RAB27B: variants seen among roughly 807,000 people sequenced by gnomAD.
The protein encoded by RAB27B is RAB27B, member RAS oncogene family.
Under a neutral mutation model 24.6 loss-of-function variants are expected in RAB27B, and 15 were observed. The observed-to-expected ratio is 0.61, with a 90% CI of 0.41 to 0.94. The LOEUF (loss-of-function observed/expected upper bound fraction) is 0.94. Ranked by LOEUF, RAB27B falls within the 40% of genes least tolerant of loss-of-function variation. RAB27B has a pLI of 0.00. For synonymous variants in RAB27B, 105 were observed against 92.5 expected, an observed-to-expected ratio of 1.14 and a Z score of -0.78; for missense variants, 261 against 266.8, an observed-to-expected ratio of 0.98 and a Z score of 0.15.
chr18:54,805,823 T>A (rs992558926), intron 2 of RAB27B, among the ~76,000 whole-genome samples: 1 of 152,220 alleles, frequency 6.6e-6, no homozygotes, highest in Non-Finnish European at 1.5e-5. Context: ...TTGGATCTTA[T>A]ATAGAGTAAT....
chr18:54,743,782 G>A (rs939269426), intron 2 of RAB27B, among the ~76,000 whole-genome samples: 4 of 152,162 alleles, frequency 2.6e-5, no homozygotes, highest in Non-Finnish European at 4.4e-5. Context: ...ATAGAACTGT[G>A]GCCTTTATGC....
At chr18:54,849,066 T>C (rs1280697393) in intron 1 of RAB27B, among the ~76,000 whole-genome samples, 1 of 152,176 alleles carries the variant, frequency 6.6e-6, no homozygotes, top group Non-Finnish European at 1.5e-5. Flanking sequence ...CTGAGCTGAT[T>C]TTTCAAAGCA....
chr18:54,874,056 C>T (rs1484243284), intron 1 of RAB27B, among the ~76,000 whole-genome samples: 1 of 152,120 alleles, frequency 6.6e-6, no homozygotes, highest in Non-Finnish European at 1.5e-5. Context: ...GGAGGTGGCA[C>T]CAGTATTGCC....
Position 54,854,743 on chromosome 18 carries a change from A to G in RAB27B, c.-19-22824A>G, listed in dbSNP as rs145481376. On this transcript the variant is annotated intron_variant, in intron 1 of 5. Coordinates refer to ENST00000262094, the MANE Select transcript of RAB27B (RefSeq NM_004163.4). Reference sequence around the variant, plus strand: ...AAGTCCAAATAAAATTAATGGTACCACACAAGCTTCATCCTTTAGTTTACA... The same window carrying G: ...AAGTCCAAATAAAATTAATGGTACCGCACAAGCTTCATCCTTTAGTTTACA... Among the ~76,000 whole-genome samples, 450 of 152,312 alleles carry G rather than the reference A, an allele frequency of 3.0e-3. 1 individual carries two copies. Among genetic ancestry groups the G allele is most frequent in the Non-Finnish European group, 4.9e-3 (336 of 68,024 alleles).
intron 2 of RAB27B, among the ~76,000 whole-genome samples, chr18:54,818,993 C>T (rs1399239315): frequency 6.6e-6 from 1 of 151,648 alleles, no homozygotes. Context: ...TCCAGCCACT[C>T]AACCTTCAGT....
rs780636921 is a variant in RAB27B at position 54,889,338 on chromosome 18, C to A, written c.582C>A (p.Ile194=). The A allele has an allele frequency of 5.0e-6, 8 of 1,613,172 alleles. No homozygotes were observed. The highest frequency in any genetic ancestry group is 2.7e-5 in the African/African-American group (2 of 74,846). Residue 194 remains isoleucine, a synonymous_variant, in exon 6 of 6, where the codon ATC becomes ATA. Transcript: ENST00000262094. ...AACAGTGTGTGGAGAAGACACAAAT[C>A]CCTGATACTGTCAATGGTGGAAATT... The part of the protein sequence containing the change: ...RMEQCVEKTQ[I]PDTVNGGNSG...
chr18:54,806,603 G>A (rs1021507104), intron 2 of RAB27B, among the ~76,000 whole-genome samples: 8 of 149,514 alleles, frequency 5.4e-5, no homozygotes, highest in African/African-American at 1.7e-4. Context: ...AAGTGACTTA[G>A]AATGTTTATG....
chr18:54,873,357 G>A (rs1368042506), intron 1 of RAB27B, among the ~76,000 whole-genome samples: 3 of 152,208 alleles, frequency 2.0e-5, no homozygotes, highest in African/African-American at 4.8e-5. Flanking sequence ...TTGTGGTACA[G>A]CTTGTGATAC....
chr18:54,801,372 A>G (rs9807275), intron 2 of RAB27B, among the ~76,000 whole-genome samples: 1 of 151,918 alleles, frequency 6.6e-6, no homozygotes, highest in South Asian at 2.1e-4. Flanking sequence ...CAACATTTAT[A>G]AAAAAAACTA....
chr18:54,775,352 C>T (rs1908682539), intron 2 of RAB27B, among the ~76,000 whole-genome samples: 1 of 152,220 alleles, frequency 6.6e-6, no homozygotes, highest in Admixed American at 6.5e-5. Context: ...CCAGCCATTA[C>T]TCTTCCAGAA....
chr18:54,849,961 C>A (rs976963376), intron 1 of RAB27B, among the ~76,000 whole-genome samples: 1 of 151,958 alleles, frequency 6.6e-6, no homozygotes, highest in South Asian at 2.1e-4. Flanking sequence ...TAAAGGTAGG[C>A]TCGAGTTAGA....
intron 2 of RAB27B, among the ~76,000 whole-genome samples, chr18:54,812,246 A>G (rs1215652205): frequency 6.6e-6 from 1 of 151,710 alleles, no homozygotes; most frequent in Non-Finnish European, 1.5e-5. Flanking sequence ...TAGTTGGCAA[A>G]CAGAAATGAA....
At chr18:54,783,876 C>T (rs970591531) in intron 2 of RAB27B, among the ~76,000 whole-genome samples, 1 of 151,838 alleles carries the variant, frequency 6.6e-6, no homozygotes, top group Admixed American at 6.5e-5. Flanking sequence ...TCTGGACTCT[C>T]ATAATTACAT....
At chr18:54,817,337 TTTA>T (rs1202164038) in intron 2 of RAB27B, among the ~76,000 whole-genome samples, 3 of 152,198 alleles carry the variant, frequency 2.0e-5, no homozygotes, top group Admixed American at 6.5e-5. Flanking sequence ...AACCCAAGGC[TTTA>T]GATTTAGAGT....
chr18:54,792,139 A>G (rs958960996), intron 2 of RAB27B, among the ~76,000 whole-genome samples: 3 of 152,164 alleles, frequency 2.0e-5, no homozygotes, highest in African/African-American at 7.2e-5. Context: ...CAGCAAACTA[A>G]GAGACCCTGT....
intron 1 of RAB27B, among the ~76,000 whole-genome samples, chr18:54,832,317 A>G (rs763959647): frequency 1.3e-5 from 2 of 152,188 alleles, no homozygotes; most frequent in Non-Finnish European, 2.9e-5. Context: ...AAAGAACCAA[A>G]TGATCAACAG....
rs869256244 is a variant in RAB27B, at chr18:54,799,614, ATTTTTTTTTTTTTTTTT to A, written c.-19-77935_-19-77919del. Among the ~76,000 whole-genome samples, 231 of 67,580 alleles carry A rather than the reference ATTTTTTTTTTTTTTTTT, an allele frequency of 3.4e-3. 1 individual carries two copies. The highest frequency in any genetic ancestry group is 0.013 in the African/African-American group (213 of 16,616). 44.3% of individuals were successfully genotyped at this position (67,580 alleles called of 152,430 possible). A position where few individuals can be genotyped will look rare whatever the true frequency, so the allele number is the denominator to read the frequency against. On this transcript the variant is annotated intron_variant, in intron 2 of 4. Coordinates refer to the RAB27B transcript ENST00000586570. ...AAATATCAGAATATATAATAAAATG[ATTTTTTTTTTTTTTTTT>A]TTTTTTTTTTTTTTTTTAGACAGAG...
chr18:54,782,088 T>C (rs1908935557), intron 2 of RAB27B, among the ~76,000 whole-genome samples: 1 of 152,252 alleles, frequency 6.6e-6, no homozygotes, highest in Non-Finnish European at 1.5e-5. Flanking sequence ...TTATTTACTC[T>C]TGGCTATCAT....
At chr18:54,810,977 T>C (rs1373209223) in intron 2 of RAB27B, among the ~76,000 whole-genome samples, 3 of 152,134 alleles carry the variant, frequency 2.0e-5, no homozygotes, top group Non-Finnish European at 4.4e-5. Context: ...ATTATCTTTG[T>C]ATCGTCAGCA....
Sources: gnomAD v4.1 joint callset for allele counts (sites outside exome capture counted in the v4.1 genomes callset) on GRCh38, gnomAD v4.1.1 for gene constraint, MANE v1.5 for transcripts, NCBI Gene and HGNC (gene_info 2026-07-23, HGNC 2026-07-21) for gene names.